The following ZNF573 variants were observed in gnomAD, a reference collection of about 807,000 sequenced individuals.
ZNF573 encodes zinc finger protein 573.
In ZNF573, 41 loss-of-function variants were observed where a neutral mutation model predicts 57.4. The observed-to-expected ratio is 0.71, with a 90% CI of 0.56 to 0.93. ZNF573 has a LOEUF of 0.93. Among genes scored for constraint, ZNF573 ranks in the 40% least tolerant of loss-of-function variants. ZNF573 has a pLI of 0.00. For synonymous variants in ZNF573, 249 were observed against 261.0 expected (o/e 0.95, Z 0.44); for missense variants, 730 against 794.8 (o/e 0.92, Z 0.98).
chr19:37,759,828 A>C (rs953288321), intron 4 of ZNF573, among the ~76,000 whole-genome samples: 1 of 152,228 alleles, frequency 6.6e-6, no homozygotes, highest in South Asian at 2.1e-4. Flanking sequence ...CCCTAATTTA[A>C]TAATGGCGTA....
chr19:37,751,722 GTA>G (rs1168012086), intron 4 of ZNF573, among the ~76,000 whole-genome samples: 39 of 137,714 alleles, frequency 2.8e-4, no homozygotes, highest in African/African-American at 1.0e-3. Flanking sequence ...ACATAGTACC[GTA>G]TATATACTGT....
chr19:37,755,946 A>G (rs1439588657), intron 4 of ZNF573, among the ~76,000 whole-genome samples: 5 of 152,158 alleles, frequency 3.3e-5, no homozygotes, highest in Non-Finnish European at 7.3e-5. Context: ...TAAACCTTGT[A>G]AGAAAAGCCC....
intron 4 of ZNF573, among the ~76,000 whole-genome samples, chr19:37,748,161 C>T (rs887597356): frequency 6.6e-6 from 1 of 152,138 alleles, no homozygotes; most frequent in African/African-American, 2.4e-5. Context: ...CAAATGTATA[C>T]AATGTGGTAC....
At chr19:37,755,572 G>A (rs2045479817) in intron 4 of ZNF573, among the ~76,000 whole-genome samples, 1 of 151,838 alleles carries the variant, frequency 6.6e-6, no homozygotes, top group Admixed American at 6.5e-5. Context: ...CTGAAGCAAG[G>A]GGCCAAAATA....
intron 4 of ZNF573, among the ~76,000 whole-genome samples, chr19:37,744,403 A>AG (rs1416780697): frequency 6.6e-6 from 1 of 151,942 alleles, no homozygotes; most frequent in Non-Finnish European, 1.5e-5. Context: ...AGTAGACAGA[A>AG]GGGGAAAAAA....
intron 4 of ZNF573, among the ~76,000 whole-genome samples, chr19:37,754,636 G>GA (rs1315059162): frequency 4.2e-5 from 6 of 141,994 alleles, no homozygotes; most frequent in African/African-American, 1.3e-4. Context: ...TTGCATTCCA[G>GA]AAAAAAAATC....
Position 37,738,887 on chromosome 19 carries a change from A to T in ZNF573, c.1603T>A (p.Phe535Ile). Residue 535 changes from phenylalanine (F) to isoleucine (I), a missense_variant, in exon 5 of 5, where the codon TTT (phenylalanine) becomes ATT (isoleucine). Coordinates refer to ENST00000536220, the MANE Select transcript of ZNF573 (RefSeq NM_001172690.2). ...PYECKVCRKTFTFYRNLTLHQ... is the reference protein window; with the variant it reads ...PYECKVCRKTITFYRNLTLHQ... ...AGAGTAAGATTTCTATAGAAAGTAA[A>T]GGTTTTTCTACATACCTTACATTCA... 1 of 1,608,216 alleles carries T rather than the reference A, an allele frequency of 6.2e-7. No individual in the cohort carries two copies. The highest frequency in any genetic ancestry group is 8.5e-7 in the Non-Finnish European group (1 of 1,177,180).
chr19:37,746,860 A>C (rs1265996589), intron 4 of ZNF573, among the ~76,000 whole-genome samples: 1 of 152,220 alleles, frequency 6.6e-6, no homozygotes, highest in East Asian at 1.9e-4. Context: ...CTGGGATTAC[A>C]GGCGTGAGCC....
chr19:37,757,578 T>C (rs2045501555), intron 4 of ZNF573, among the ~76,000 whole-genome samples: 1 of 152,180 alleles, frequency 6.6e-6, no homozygotes, highest in South Asian at 2.1e-4. Flanking sequence ...TAAAAATTAC[T>C]TTTACACTGT....
At chr19:37,777,317 A>G (rs1018898826) in intron 1 of ZNF573, among the ~76,000 whole-genome samples, 12 of 152,204 alleles carry the variant, frequency 7.9e-5, no homozygotes, top group Middle Eastern at 3.4e-3. Flanking sequence ...CCCAGACAGA[A>G]GTAATTATAT....
intron 1 of ZNF573, among the ~76,000 whole-genome samples, chr19:37,775,895 AAAAC>A: frequency 6.6e-6 from 1 of 151,694 alleles, no homozygotes; most frequent in Non-Finnish European, 1.5e-5. Context: ...AAACAAAACA[AAAAC>A]AAACAAACTT....
intron 4 of ZNF573, among the ~76,000 whole-genome samples, chr19:37,754,519 C>CA (rs11316334): frequency 0.024 from 2,051 of 85,406 alleles, 35 homozygotes; most frequent in Middle Eastern, 0.049. Context: ...GACTCCACCT[C>CA]AAAAAAAAAA....
At position 37,770,190 on chromosome 19, in the gene ZNF573, C is replaced by T; in HGVS notation, c.203-93G>A. Reference sequence around the variant, plus strand: ...GATTAAATTTACAATGAACTAAGGACTTCAAATAAAAGAGGGGTGAGATGA... The same window carrying T: ...GATTAAATTTACAATGAACTAAGGATTTCAAATAAAAGAGGGGTGAGATGA... On this transcript the variant is annotated intron_variant, in intron 3 of 4. Coordinates refer to ENST00000536220, the MANE Select transcript of ZNF573 (RefSeq NM_001172690.2). The T allele has an allele frequency of 7.2e-6, 7 of 976,658 alleles. No individual in the cohort carries two copies. In the South Asian group the frequency reaches 1.2e-4, roughly 17 times the overall value. The allele number at this position is 976,658 out of a possible 1,614,324, so 60.5% of individuals were successfully genotyped here. A position where few individuals can be genotyped will look rare whatever the true frequency, so the allele number is the denominator to read the frequency against.
chr19:37,758,189 T>G (rs1183141565), intron 4 of ZNF573, among the ~76,000 whole-genome samples: 1 of 34,888 alleles, frequency 2.9e-5, no homozygotes, highest in Non-Finnish European at 8.7e-5. Context: ...CCCTAGAACT[T>G]AAAGTATAAT....
intron 4 of ZNF573, among the ~76,000 whole-genome samples, chr19:37,748,398 T>TA (rs2045401827): frequency 1.3e-5 from 2 of 152,304 alleles, no homozygotes; most frequent in South Asian, 4.1e-4. Context: ...AAAGTTATTT[T>TA]AAAAAAAGTT....
At chr19:37,773,795 T>C (rs1408554129) in intron 1 of ZNF573, 44 bp from the exon 2 acceptor site, 2 of 1,201,990 alleles carry the variant, frequency 1.7e-6, no homozygotes, top group Non-Finnish European at 2.4e-6. Context: ...TATGACTTAA[T>C]TTAATAAAAT....
At chr19:37,777,118 C>T (rs920268063) in intron 1 of ZNF573, among the ~76,000 whole-genome samples, 3 of 152,118 alleles carry the variant, frequency 2.0e-5, no homozygotes, top group Admixed American at 6.6e-5. Context: ...CCATTTGATC[C>T]AGCAATCCCA....
intron 4 of ZNF573, among the ~76,000 whole-genome samples, chr19:37,762,431 G>C (rs908549845): frequency 5.9e-5 from 9 of 152,206 alleles, no homozygotes; most frequent in African/African-American, 1.9e-4. Flanking sequence ...GGTAATGTGG[G>C]CAAAGGGTTA....
intron 4 of ZNF573, among the ~76,000 whole-genome samples, chr19:37,758,237 ATATATATATATATATATATATATATAT>A (rs2045513549): frequency 3.1e-5 from 3 of 97,166 alleles, no homozygotes; most frequent in African/African-American, 1.3e-4. Context: ...ATATATATAT[ATATATATATATATATATATATATATAT>A]AAAATTACCC....
Sources: gnomAD v4.1 joint callset for allele counts (sites outside exome capture counted in the v4.1 genomes callset) on GRCh38, gnomAD v4.1.1 for gene constraint, MANE v1.5 for transcripts, NCBI Gene and HGNC (gene_info 2026-07-23, HGNC 2026-07-21) for gene names.